FRMD6: variants seen among roughly 807,000 people sequenced by gnomAD.
FRMD6 encodes FERM domain-containing protein 6.
Under a neutral mutation model 73.2 loss-of-function variants are expected in FRMD6, and 37 were observed. That is an observed-to-expected ratio of 0.51 (90% CI 0.39 to 0.66). FRMD6 has a LOEUF of 0.66. FRMD6 is among the 30% of genes least tolerant of loss of function. FRMD6 has a pLI of 0.00. For missense variants in FRMD6, 714 were observed against 780.5 expected (o/e 0.91, Z 1.02); for synonymous variants, 273 against 282.2 (o/e 0.97, Z 0.33).
At chr14:51,698,375 G>T in intron 3 of FRMD6, 143 bp downstream of exon 3, 5 of 440,140 alleles carry the variant, frequency 1.1e-5, no homozygotes, top group South Asian at 6.2e-5. Flanking sequence ...TTTTAGTGTA[G>T]GTGTAGTATT....
the FRMD6 span, among the ~76,000 whole-genome samples, chr14:51,469,600 G>A: frequency 4.0e-4 from 51 of 127,724 alleles, 1 homozygote; most frequent in Admixed American, 1.1e-3. Context: ...GCGACAGAGC[G>A]AGACTCCATT....
intron 1 of FRMD6, among the ~76,000 whole-genome samples, chr14:51,563,497 C>T (rs1185531008): frequency 6.6e-6 from 1 of 152,020 alleles, no homozygotes. Flanking sequence ...TGGCAAAACC[C>T]CATCTCTACT....
chr14:51,645,594 G>A (rs937569711), intron 2 of FRMD6, among the ~76,000 whole-genome samples: 30 of 152,076 alleles, frequency 2.0e-4, no homozygotes, highest in Non-Finnish European at 8.8e-5. Context: ...AAGCCACTCC[G>A]CCCAGCTAAT....
At chr14:51,420,028 G>C in the FRMD6 span, among the ~76,000 whole-genome samples, 1,960 of 151,832 alleles carry the variant, frequency 0.013, 43 homozygotes, top group African/African-American at 0.045. Context: ...GACTTCCTGC[G>C]CTTTTTAGGT....
intron 1 of FRMD6, among the ~76,000 whole-genome samples, chr14:51,503,014 T>C (rs1566780605): frequency 1.3e-5 from 2 of 152,290 alleles, no homozygotes; most frequent in East Asian, 3.9e-4. Flanking sequence ...TATTGGTATA[T>C]AGGAATGCTA....
upstream of FRMD6, chr14:51,651,750 G>T (rs977480323): frequency 2.0e-5 from 3 of 147,476 alleles, no homozygotes; most frequent in African/African-American, 7.4e-5. Context: ...AGCTCAGCGC[G>T]CAGCTCCCGC....
the FRMD6 span, among the ~76,000 whole-genome samples, chr14:51,477,801 A>G: frequency 2.0e-5 from 3 of 148,950 alleles, no homozygotes; most frequent in African/African-American, 7.5e-5. Flanking sequence ...GTGCAGTGGC[A>G]CGACCTCAGC....
At chr14:51,673,531 C>G (rs186995373) in intron 1 of FRMD6, among the ~76,000 whole-genome samples, 1 of 152,140 alleles carries the variant, frequency 6.6e-6, no homozygotes, top group Non-Finnish European at 1.5e-5. Context: ...TTAGGCTCAC[C>G]TAGTTTGTTT....
chr14:51,569,793 T>C (rs1888004715), intron 1 of FRMD6, among the ~76,000 whole-genome samples: 1 of 150,014 alleles, frequency 6.7e-6, no homozygotes, highest in African/African-American at 2.5e-5. Context: ...TGAGGCATCA[T>C]GCCCGGCCAG....
chr14:51,720,709 G>C (rs1026420300), intron 11 of FRMD6, among the ~76,000 whole-genome samples: 1 of 152,154 alleles, frequency 6.6e-6, no homozygotes, highest in African/African-American at 2.4e-5. Context: ...ATAAAACAGT[G>C]GTTAGGACAG....
the FRMD6 span, among the ~76,000 whole-genome samples, chr14:51,433,903 T>C: frequency 6.6e-6 from 1 of 152,238 alleles, no homozygotes; most frequent in African/African-American, 2.4e-5. Flanking sequence ...CTATATACTA[T>C]AGCACCAAAG....
Position 51,722,863 on chromosome 14 carries a change from C to T in FRMD6, c.1492+783C>T, listed in dbSNP as rs926765284. On this transcript the variant is annotated intron_variant, in intron 12 of 13. Coordinates refer to ENST00000344768, the MANE Select transcript of FRMD6 (RefSeq NM_001267046.2). ...GAAGGGCCTGACTGAGGTAGCCTGT[C>T]CCTGCTCTGGCAAATCCACAGCTCC... 1.2e-4 allele frequency among the ~76,000 whole-genome samples: 19 copies of T among 152,336 alleles called. 1 individual carries two copies. Among genetic ancestry groups the T allele is most frequent in the African/African-American group, 4.3e-4 (18 of 41,584 alleles).
the FRMD6 span, among the ~76,000 whole-genome samples, chr14:51,464,203 C>A: frequency 6.6e-6 from 1 of 152,090 alleles, no homozygotes; most frequent in African/African-American, 2.4e-5. Context: ...TATTCCAGCA[C>A]AATGAGAACA....
chr14:51,639,330 G>C (rs1004189205), intron 2 of FRMD6, among the ~76,000 whole-genome samples: 6 of 152,012 alleles, frequency 3.9e-5, no homozygotes, highest in African/African-American at 1.2e-4. Context: ...AGCTAATCGG[G>C]AGGCTGAGGC....
the FRMD6 span, among the ~76,000 whole-genome samples, chr14:51,427,033 C>T: frequency 6.6e-6 from 1 of 152,206 alleles, no homozygotes; most frequent in South Asian, 2.1e-4. Flanking sequence ...CTCCCCTCCT[C>T]ATCAGATATG....
At chr14:51,654,408 C>A (rs1332477736) in intron 1 of FRMD6, among the ~76,000 whole-genome samples, 1 of 151,974 alleles carries the variant, frequency 6.6e-6, no homozygotes. Context: ...ACTGCGTAGC[C>A]TTTTGTGGCA....
At chr14:51,415,614 C>A in the FRMD6 span, among the ~76,000 whole-genome samples, 1 of 152,064 alleles carries the variant, frequency 6.6e-6, no homozygotes, top group Non-Finnish European at 1.5e-5. Context: ...CTAAAATTCT[C>A]TTTTTTTGTT....
chr14:51,436,931 G>T, the FRMD6 span: 4 of 1,016,970 alleles, frequency 3.9e-6, no homozygotes, highest in Non-Finnish European at 5.8e-6. Context: ...TGATGAAGGG[G>T]AGGGAGAGGA....
At chr14:51,656,506 C>A (rs533967983) in intron 1 of FRMD6, among the ~76,000 whole-genome samples, 1 of 151,894 alleles carries the variant, frequency 6.6e-6, no homozygotes, top group African/African-American at 2.4e-5. Flanking sequence ...CTCCACCTCC[C>A]GGGTCCAAAT....
Sources: allele counts gnomAD v4.1 joint callset (sites outside exome capture counted in the v4.1 genomes callset), GRCh38; gene constraint gnomAD v4.1.1; transcripts MANE v1.5; gene names NCBI Gene and HGNC (gene_info 2026-07-23, HGNC 2026-07-21).